Variants in TNKS2 observed in about 807,000 individuals in gnomAD.
TNKS2 encodes tankyrase 2.
Under a neutral mutation model 137.6 loss-of-function variants are expected in TNKS2, and 72 were observed. That is an observed-to-expected ratio of 0.52 (90% CI 0.43 to 0.64). The LOEUF is 0.64. Ranked by LOEUF, TNKS2 falls within the 30% of genes least tolerant of loss-of-function variation. TNKS2 has a pLI of 0.00. For missense variants in TNKS2, 1,049 were observed against 1,410.2 expected (o/e 0.74, Z 4.10); for synonymous variants, 516 against 512.1 (o/e 1.01, Z -0.10).
At position 91,863,643 on chromosome 10, in the gene TNKS2, A is replaced by G. The variant is rs1192941749; in HGVS notation, c.*644A>G. ...TGGGAGCCTTTATCTGTCATTAGAA[A>G]TCTTTCTCATTTAAGAACTTATGAA... is the stretch of plus-strand genomic sequence containing the variant. On this transcript the variant is annotated 3_prime_UTR_variant, in exon 27 of 27. Transcript: ENST00000371627. 1 of 152,142 alleles carries G rather than the reference A, an allele frequency of 6.6e-6. No individual in the cohort carries two copies. Among genetic ancestry groups the G allele is most frequent in the African/African-American group, 2.4e-5 (1 of 41,428 alleles). 9.4% of individuals were successfully genotyped at this position (152,142 alleles called of 1,614,324 possible). A position where few individuals can be genotyped will look rare whatever the true frequency, so the allele number is the denominator to read the frequency against.
intron 2 of TNKS2, among the ~76,000 whole-genome samples, chr10:91,816,223 C>T (rs1280870792): frequency 6.6e-6 from 1 of 152,186 alleles, no homozygotes. Context: ...GCTGAGATTA[C>T]AGGCGTGAGC....
rs752506751 is a variant in TNKS2, at chr10:91,842,374, C to T, written c.2042C>T (p.Thr681Ile). Reference protein sequence around the residue: ...NCRDTQGRHSTPLHLAAGYNN... With the variant: ...NCRDTQGRHSIPLHLAAGYNN... ...CGCGATACCCAAGGCAGACATTCAA[C>T]ACCTTTACATTTAGCAGGTAAGTGA... Residue 681 changes from threonine (T) to isoleucine (I), a missense_variant, in exon 16 of 27, where the codon ACA (threonine) becomes ATA (isoleucine). Thr to Ile is a moderately conservative substitution (Grantham distance 89, BLOSUM62 -1). This residue lies in a region of TNKS2 where 328 missense variants were observed against 436.0 expected (regional missense o/e 0.75). Coordinates refer to ENST00000371627, the MANE Select transcript of TNKS2 (RefSeq NM_025235.4). 8.1e-6 allele frequency: 13 copies of T among 1,613,984 alleles called. No homozygotes were observed. The highest frequency in any genetic ancestry group is 2.5e-6 in the Non-Finnish European group (3 of 1,179,952).
At chr10:91,819,171 C>T in intron 3 of TNKS2, 99 bp from the exon 4 acceptor site, 1 of 692,340 alleles carries the variant, frequency 1.4e-6, no homozygotes, top group Non-Finnish European at 2.3e-6. Context: ...AATTTGTTTC[C>T]AAATTTATCT....
At chr10:91,826,037 A>G (rs1450243701) in intron 7 of TNKS2, among the ~76,000 whole-genome samples, 1 of 152,240 alleles carries the variant, frequency 6.6e-6, no homozygotes, top group African/African-American at 2.4e-5. Context: ...GCTTGGGACC[A>G]GAAGTGTTTT....
At chr10:91,853,333 C>T (rs1446962967) in intron 21 of TNKS2, among the ~76,000 whole-genome samples, 1 of 152,144 alleles carries the variant, frequency 6.6e-6, no homozygotes, top group African/African-American at 2.4e-5. Flanking sequence ...ACATTCATTC[C>T]TATATGAAGA....
chr10:91,807,735 C>T (rs978656316), intron 1 of TNKS2, among the ~76,000 whole-genome samples: 1 of 152,170 alleles, frequency 6.6e-6, no homozygotes, highest in African/African-American at 2.4e-5. Context: ...TGGCTCATGC[C>T]TGTAATCCCA....
At chr10:91,845,612 T>G in intron 17 of TNKS2, 140 bp from the exon 18 acceptor site, 6 of 562,876 alleles carry the variant, frequency 1.1e-5, no homozygotes, top group Non-Finnish European at 1.7e-5. Context: ...TAAGTTGTGA[T>G]GTTGGGGAGA....
chr10:91,798,688 A>C lies in TNKS2; in HGVS notation c.-3A>C. 1 of 1,228,846 alleles carries C rather than the reference A, an allele frequency of 8.1e-7. No homozygotes were observed. The highest frequency in any genetic ancestry group is 1.0e-6 in the Non-Finnish European group (1 of 982,592). 76.1% of individuals were successfully genotyped at this position (1,228,846 alleles called of 1,614,324 possible). A position where few individuals can be genotyped will look rare whatever the true frequency, so the allele number is the denominator to read the frequency against. On this transcript the variant is annotated 5_prime_UTR_variant, in exon 1 of 27. Coordinates refer to ENST00000371627, the MANE Select transcript of TNKS2 (RefSeq NM_025235.4). ...GTTGCTGGCTGTGGCGGCGGCCAGG[A>C]TCATGTCGGGTCGCCGCTGCGCCGG...
intron 7 of TNKS2, among the ~76,000 whole-genome samples, chr10:91,825,893 G>A (rs768725898): frequency 5.9e-5 from 9 of 152,318 alleles, no homozygotes; most frequent in East Asian, 1.9e-4. Flanking sequence ...CATAAAGTGC[G>A]ATAGCCACAT....
intron 16 of TNKS2, 126 bp from the exon 17 acceptor site, chr10:91,844,793 G>T: frequency 1.8e-6 from 1 of 554,396 alleles, no homozygotes. Context: ...TAATGTCTAT[G>T]CCTTATAAAT....
intron 21 of TNKS2, among the ~76,000 whole-genome samples, chr10:91,852,323 C>G (rs1842564701): frequency 6.6e-6 from 1 of 151,608 alleles, no homozygotes. Flanking sequence ...TTTGGGAGGC[C>G]GAGGTGGGCA....
rs763806151 is a variant in TNKS2 at position 91,831,107 on chromosome 10, T to C, written c.1201T>C (p.Leu401=). ...GGCTGATTTTTTCTCTCTAAGATTC[T>C]TGACTCCTCTGCACGTGGCATCTGA... is the stretch of plus-strand genomic sequence containing the variant. ...ANINEKTKEF[L]TPLHVASEKA... is the part of the protein sequence containing the mutation. The change falls in exon 11 of 27, where the codon TTG becomes CTG. Residue 401 remains leucine (L), a synonymous_variant. Coordinates refer to ENST00000371627, the MANE Select transcript of TNKS2 (RefSeq NM_025235.4). The C allele has an allele frequency of 1.5e-5, 24 of 1,614,002 alleles. No individual in the cohort carries two copies. The highest frequency in any genetic ancestry group is 2.0e-5 in the Non-Finnish European group (24 of 1,179,936).
chr10:91,804,883 C>T (rs1375139396), intron 1 of TNKS2, among the ~76,000 whole-genome samples: 3 of 152,102 alleles, frequency 2.0e-5, no homozygotes, highest in African/African-American at 7.2e-5. Flanking sequence ...CCTGCTTCAG[C>T]CTCCCGAGTA....
chr10:91,835,521 C>T (rs1841978134), intron 12 of TNKS2, among the ~76,000 whole-genome samples: 1 of 150,470 alleles, frequency 6.6e-6, no homozygotes, highest in Non-Finnish European at 1.5e-5. Flanking sequence ...AAACTCCTGA[C>T]CTTGTGATCC....
chr10:91,847,162 A>G (rs1445907910), intron 18 of TNKS2, among the ~76,000 whole-genome samples: 1 of 152,210 alleles, frequency 6.6e-6, no homozygotes, highest in Non-Finnish European at 1.5e-5. Flanking sequence ...TGTGAGTGCA[A>G]TGGGAATGCA....
chr10:91,855,923 A>G (rs1240382712), intron 23 of TNKS2, among the ~76,000 whole-genome samples: 1 of 152,206 alleles, frequency 6.6e-6, no homozygotes, highest in Non-Finnish European at 1.5e-5. Flanking sequence ...TTTATGGGTT[A>G]TGCTTTATCT....
At chr10:91,862,215 A>C (rs1842870808) in intron 26 of TNKS2, 60 bp downstream of exon 26, 2 of 1,353,842 alleles carry the variant, frequency 1.5e-6, no homozygotes, top group Non-Finnish European at 2.0e-6. Context: ...TTAACTTTTT[A>C]TTAATCTCTT....
chr10:91,857,515 C>T lies in TNKS2; in HGVS notation c.3079C>T (p.Arg1027Ter). Residue 1027 changes from arginine to a stop codon, truncating the protein, a stop_gained, in exon 24 of 27, where the codon CGA becomes TGA. Transcript: ENST00000371627. LOFTEE classifies it high-confidence loss of function. The stretch of plus-strand genomic sequence containing the variant: ...AGAAAACCACAACCATGCCAATGAA[C>T]GAATGCTATTTCATGGTAAGATTCC... Reference protein sequence around the residue: ...SEENHNHANERMLFHGSPFVN... With the variant: ...SEENHNHANE 2 of 1,609,038 alleles carry T rather than the reference C, an allele frequency of 1.2e-6. No individual in the cohort carries two copies. The highest frequency in any genetic ancestry group is 1.7e-6 in the Non-Finnish European group (2 of 1,176,460).
At chr10:91,860,571 G>T (rs747123940) in intron 25 of TNKS2, among the ~76,000 whole-genome samples, 2 of 152,134 alleles carry the variant, frequency 1.3e-5, no homozygotes, top group African/African-American at 2.4e-5. Context: ...ATCACCCAGG[G>T]AATATTAAAA....
Sources: gnomAD v4.1 joint callset for allele counts (sites outside exome capture counted in the v4.1 genomes callset) on GRCh38, gnomAD v4.1.1 for gene constraint, gnomAD v4.1.1 regional missense constraint, MANE v1.5 for transcripts, NCBI Gene and HGNC (gene_info 2026-07-23, HGNC 2026-07-21) for gene names.